Variants in MIX23 observed in about 807,000 individuals in gnomAD.
MIX23 encodes the protein mitochondrial matrix import factor 23.
A neutral mutation model predicts 21.6 loss-of-function variants in MIX23; 13 were observed. The ratio of observed to expected loss-of-function variants is 0.60; its 90% confidence interval spans 0.39 to 0.96. MIX23 has a LOEUF of 0.96. Among genes scored for constraint, MIX23 ranks in the 40% least tolerant of loss-of-function variants. MIX23 has a pLI of 0.00. For missense variants in MIX23, 144 were observed against 171.2 expected, an observed-to-expected ratio of 0.84 and a Z score of 0.89; for synonymous variants, 59 against 58.0, an observed-to-expected ratio of 1.02 and a Z score of -0.08.
chr3:122,362,895 C>T (rs955174578), intron 4 of MIX23, 73 bp downstream of exon 4: 1 of 1,205,564 alleles, frequency 8.3e-7, no homozygotes, highest in African/African-American at 1.5e-5. Flanking sequence ...CTCTTTACTC[C>T]CCCTCCCTTG....
chr3:122,382,912 T>C (rs1671690528), intron 1 of MIX23, among the ~76,000 whole-genome samples: 2 of 152,206 alleles, frequency 1.3e-5, no homozygotes, highest in Admixed American at 1.3e-4. Flanking sequence ...TCCCGAGCTT[T>C]ACCACAGCAG....
intron 3 of MIX23, chr3:122,365,622 T>A (rs2075391154): frequency 1.3e-5 from 2 of 152,244 alleles, no homozygotes; most frequent in Non-Finnish European, 2.9e-5. Flanking sequence ...TCCTGGTGAT[T>A]CTATCTGGGC....
At chr3:122,367,784 A>C in intron 3 of MIX23, 1 of 186,884 alleles carries the variant, frequency 5.4e-6, no homozygotes, top group Non-Finnish European at 1.1e-5. Context: ...GCTATTTCCA[A>C]AATATATTAG....
At chr3:122,370,113 T>G (rs1015468274) in intron 2 of MIX23, among the ~76,000 whole-genome samples, 1 of 152,146 alleles carries the variant, frequency 6.6e-6, no homozygotes, top group African/African-American at 2.4e-5. Context: ...CGCCAACAAC[T>G]CTATGAACTA....
intron 1 of MIX23, among the ~76,000 whole-genome samples, chr3:122,375,056 C>T (rs1440342172): frequency 6.6e-6 from 1 of 152,088 alleles, no homozygotes; most frequent in Admixed American, 6.5e-5. Context: ...ATTGCTTGAG[C>T]TGAGGAGGTT....
chr3:122,378,403 AC>A lies in MIX23; in HGVS notation c.51+4770del, dbSNP rs1228828720. On this transcript the variant is annotated intron_variant, in intron 1 of 4. Coordinates refer to ENST00000291458, the MANE Select transcript of MIX23 (RefSeq NM_001017928.4). ...TCAATTTTATTGTATTACCAGTGGA[AC>A]CTATGGATTATCAAATAGTCATGTA... is the stretch of plus-strand genomic sequence containing the variant. Among the ~76,000 whole-genome samples, 5 of 152,352 alleles carry A rather than the reference AC, an allele frequency of 3.3e-5. No individual in the cohort carries two copies. In the South Asian group the frequency reaches 8.3e-4, roughly 25 times the overall value.
At position 122,368,324 on chromosome 3, in the gene MIX23, T is replaced by C; in HGVS notation, c.178-2A>G. The C allele has an allele frequency of 6.4e-7, 1 of 1,574,686 alleles. No individual in the cohort carries two copies. On this transcript the variant is annotated splice_acceptor_variant, in intron 2 of 4. Coordinates refer to ENST00000291458, the MANE Select transcript of MIX23 (RefSeq NM_001017928.4). LOFTEE classifies it high-confidence loss of function. Reference sequence around the variant, plus strand: ...TCTACTGGCATGAGCTGCCATCAACTAAAAGAACAAAGGAATGAAAGGAGA... The same window carrying C: ...TCTACTGGCATGAGCTGCCATCAACCAAAAGAACAAAGGAATGAAAGGAGA...
In MIX23 at chr3:122,374,121, A is replaced by ATTTT. The variant is rs1232521731; in HGVS notation, c.52-2322_52-2321insAAAA. On this transcript the variant is annotated intron_variant, in intron 1 of 4. Coordinates refer to ENST00000291458, the MANE Select transcript of MIX23 (RefSeq NM_001017928.4). Reference sequence around the variant, plus strand: ...TGGCCTATTTTTTTTTTTTTTTTTAAAAAAAAAGCCTCTTTAAATTCTCTT... The same window carrying ATTTT: ...TGGCCTATTTTTTTTTTTTTTTTTAATTTTAAAAAAAGCCTCTTTAAATTCTCTT... Among the ~76,000 whole-genome samples the ATTTT allele has an allele frequency of 3.2e-4, 42 of 132,818 alleles. No individual in the cohort carries two copies. The Middle Eastern group carries it at 0.012, about 38-fold the overall frequency. The allele number at this position is 132,818 out of a possible 152,430, so 87.1% of individuals were successfully genotyped here. A position where few individuals can be genotyped will look rare whatever the true frequency, so the allele number is the denominator to read the frequency against.
At chr3:122,361,455 T>C (rs1158676646) in intron 4 of MIX23, among the ~76,000 whole-genome samples, 1 of 152,176 alleles carries the variant, frequency 6.6e-6, no homozygotes, top group African/African-American at 2.4e-5. Context: ...TTTTCCCAAA[T>C]GATTTCCTAT....
intron 3 of MIX23, among the ~76,000 whole-genome samples, chr3:122,367,483 T>G (rs894544199): frequency 2.0e-5 from 3 of 152,214 alleles, no homozygotes; most frequent in African/African-American, 7.2e-5. Context: ...TACATTATAG[T>G]TGATTTGGGA....
At chr3:122,378,663 G>A (rs540249987) in intron 1 of MIX23, among the ~76,000 whole-genome samples, 67 of 152,194 alleles carry the variant, frequency 4.4e-4, no homozygotes, top group Non-Finnish European at 9.0e-4. Context: ...TCTACATATG[G>A]AAAAGGTGCA....
intron 1 of MIX23, among the ~76,000 whole-genome samples, chr3:122,375,841 TG>T (rs1298864916): frequency 6.6e-6 from 1 of 152,098 alleles, no homozygotes; most frequent in African/African-American, 2.4e-5. Flanking sequence ...GTCCCACTAC[TG>T]GGTACTTACC....
At chr3:122,377,272 T>C (rs1270451028) in intron 1 of MIX23, among the ~76,000 whole-genome samples, 1 of 152,170 alleles carries the variant, frequency 6.6e-6, no homozygotes, top group Non-Finnish European at 1.5e-5. Flanking sequence ...TTTGGACTTG[T>C]TAACGTTTGA....
intron 3 of MIX23, among the ~76,000 whole-genome samples, chr3:122,363,623 A>C (rs1237903715): frequency 2.0e-5 from 3 of 151,748 alleles, no homozygotes; most frequent in African/African-American, 7.3e-5. Flanking sequence ...GGAAGTGCAA[A>C]CCTGACCTGA....
In MIX23 at chr3:122,383,230, A is replaced by G; in HGVS notation, c.-6T>C. ...CCGCCACTGGGCGCCGCCATATTGG[A>G]CAAACACGAGGACCCCGCTGCAGGC... On this transcript the variant is annotated 5_prime_UTR_variant, in exon 1 of 5. Transcript: ENST00000291458. 5 of 1,612,606 alleles carry G rather than the reference A, an allele frequency of 3.1e-6. No homozygotes were observed. The highest frequency in any genetic ancestry group is 2.7e-5 in the African/African-American group (2 of 75,006).
intron 2 of MIX23, among the ~76,000 whole-genome samples, chr3:122,371,265 A>G (rs1265864771): frequency 6.6e-6 from 1 of 152,238 alleles, no homozygotes; most frequent in Non-Finnish European, 1.5e-5. Flanking sequence ...GGAGTGAGAA[A>G]AAGAAGGTTT....
chr3:122,364,996 T>G (rs369071103), intron 3 of MIX23, among the ~76,000 whole-genome samples: 3 of 152,212 alleles, frequency 2.0e-5, no homozygotes, highest in Non-Finnish European at 2.9e-5. Context: ...GATTATTTTT[T>G]AAAATTCTAC....
rs2075443273 is a variant in MIX23 at position 122,371,718 on chromosome 3, C to T, written c.134G>A (p.Gly45Glu). The change falls in exon 2 of 5, where the codon GGG (glycine) becomes GAG (glutamate). Residue 45 changes from glycine to glutamate, a missense_variant. Gly to Glu is a moderately conservative substitution (Grantham distance 98). Transcript: ENST00000291458. ...ACAGGTTTGGCTGGCATCAATTTTC[C>T]CTGCAAAGGAAGCTGTTGGAACCGT... ...NTTVPTASFA[G>E]KIDASQTCKQ... The T allele has an allele frequency of 6.2e-7, 1 of 1,612,468 alleles. No homozygotes were observed. The highest frequency in any genetic ancestry group is 1.3e-5 in the African/African-American group (1 of 74,870).
intron 1 of MIX23, among the ~76,000 whole-genome samples, chr3:122,381,642 C>G (rs1331442898): frequency 6.7e-6 from 1 of 150,126 alleles, no homozygotes; most frequent in African/African-American, 2.5e-5. Context: ...CGCTTGAACT[C>G]GGGAGGTGGA....
Sources: gnomAD v4.1 joint callset for allele counts (sites outside exome capture counted in the v4.1 genomes callset) on GRCh38, gnomAD v4.1.1 for gene constraint, MANE v1.5 for transcripts, NCBI Gene and HGNC (gene_info 2026-07-23, HGNC 2026-07-21) for gene names.